The following SLC35D4 variants were observed in gnomAD, a reference collection of about 807,000 sequenced individuals.
SLC35D4 encodes UDP-N-acetylglucosamine transporter SLC35D4.
At chr18:23,298,866 C>G in the SLC35D4 span, among the ~76,000 whole-genome samples, 1 of 152,298 alleles carries the variant, frequency 6.6e-6, no homozygotes, top group South Asian at 2.1e-4. Flanking sequence ...CCCTTCCTCT[C>G]TCATCTGCCT....
chr18:23,356,938 G>T, the SLC35D4 span, among the ~76,000 whole-genome samples: 4 of 152,180 alleles, frequency 2.6e-5, no homozygotes, highest in Non-Finnish European at 4.4e-5. This position sits in a 1 kb window ranked among gnomAD's most constrained non-coding sequence, Gnocchi z 4.1. Flanking sequence ...TTCAATCTTA[G>T]TAACAACTCT....
At chr18:23,274,194 C>A in the SLC35D4 span, among the ~76,000 whole-genome samples, 109 of 152,324 alleles carry the variant, frequency 7.2e-4, no homozygotes, top group African/African-American at 2.5e-3. Context: ...CTTCAGCCTC[C>A]TGAAGTGCTG....
At chr18:23,297,771 G>C in the SLC35D4 span, 1 of 493,886 alleles carries the variant, frequency 2.0e-6, no homozygotes, top group East Asian at 3.8e-5. Flanking sequence ...CCGCTCCTCT[G>C]CAGTGACCTG....
the SLC35D4 span, chr18:23,253,691 T>C: frequency 1.3e-6 from 2 of 1,573,630 alleles, no homozygotes. Context: ...AACTCTAAGT[T>C]TTCACAAGAC....
chr18:23,374,571 C>T, the SLC35D4 span, among the ~76,000 whole-genome samples: 5 of 151,600 alleles, frequency 3.3e-5, no homozygotes, highest in Non-Finnish European at 5.9e-5. Flanking sequence ...CCATAACCTC[C>T]GCCTCCCGGG....
the SLC35D4 span, chr18:23,253,629 G>C: frequency 4.0e-6 from 4 of 993,462 alleles, no homozygotes; most frequent in South Asian, 6.2e-5. Flanking sequence ...CACCCTCTGG[G>C]AAAGAGAAAG....
the SLC35D4 span, among the ~76,000 whole-genome samples, chr18:23,400,577 A>C: frequency 6.6e-6 from 1 of 152,328 alleles, no homozygotes; most frequent in Admixed American, 6.5e-5. Flanking sequence ...CAGTGAGCCA[A>C]GATCACGCCA....
chr18:23,367,432 G>A, the SLC35D4 span, among the ~76,000 whole-genome samples: 2 of 152,288 alleles, frequency 1.3e-5, no homozygotes, highest in East Asian at 3.9e-4. Flanking sequence ...CCCCACAGTG[G>A]GCTTTAGCAG....
the SLC35D4 span, chr18:23,365,524 T>C: frequency 7.6e-7 from 1 of 1,307,578 alleles, no homozygotes; most frequent in Non-Finnish European, 1.1e-6. Flanking sequence ...CTCTCAGTCA[T>C]CCTGGGGGGC....
chr18:23,286,883 C>T, the SLC35D4 span, among the ~76,000 whole-genome samples: 108 of 150,290 alleles, frequency 7.2e-4, 1 homozygote, highest in Admixed American at 1.1e-3. Context: ...ATCTCATTGC[C>T]GCCCTTCTTC....
the SLC35D4 span, chr18:23,371,506 T>C: frequency 9.1e-5 from 141 of 1,545,998 alleles, no homozygotes; most frequent in Middle Eastern, 5.2e-4. Context: ...AAAATGGCTA[T>C]AAGTGCAAGG....
At chr18:23,430,513 A>G in the SLC35D4 span, 1 of 767,920 alleles carries the variant, frequency 1.3e-6, no homozygotes, top group Non-Finnish European at 2.1e-6. Flanking sequence ...GCGGCTAAAT[A>G]TCTTACAATA....
the SLC35D4 span, among the ~76,000 whole-genome samples, chr18:23,422,821 C>G: frequency 1.6e-4 from 25 of 152,126 alleles, no homozygotes; most frequent in African/African-American, 4.8e-4. Flanking sequence ...CCCTCCCCCC[C>G]CCAATGCAGA....
At chr18:23,360,391 A>G in the SLC35D4 span, among the ~76,000 whole-genome samples, 133 of 152,384 alleles carry the variant, frequency 8.7e-4, no homozygotes, top group South Asian at 2.3e-3. Flanking sequence ...GTGAGCATCA[A>G]CAGGTAAATG....
At chr18:23,360,930 C>T in the SLC35D4 span, among the ~76,000 whole-genome samples, 11 of 151,396 alleles carry the variant, frequency 7.3e-5, no homozygotes, top group East Asian at 1.9e-4. Flanking sequence ...GGTGGAACCC[C>T]GTCTCTACTA....
the SLC35D4 span, among the ~76,000 whole-genome samples, chr18:23,411,101 C>T: frequency 1.4e-4 from 21 of 148,458 alleles, no homozygotes; most frequent in East Asian, 6.0e-4. Flanking sequence ...CTGTGGTGTG[C>T]GGGCCTCTAG....
At chr18:23,408,421 T>C in the SLC35D4 span, among the ~76,000 whole-genome samples, 1 of 152,198 alleles carries the variant, frequency 6.6e-6, no homozygotes. Flanking sequence ...TATAACATTT[T>C]TTTTTGTCTT....
the SLC35D4 span, among the ~76,000 whole-genome samples, chr18:23,419,412 C>T: frequency 6.6e-6 from 1 of 152,056 alleles, no homozygotes; most frequent in African/African-American, 2.4e-5. Context: ...CCTGCCTCAG[C>T]CTTTCAAGTA....
At chr18:23,392,362 T>C in the SLC35D4 span, among the ~76,000 whole-genome samples, 1 of 152,248 alleles carries the variant, frequency 6.6e-6, no homozygotes, top group Non-Finnish European at 1.5e-5. Context: ...TATGCATATG[T>C]GCACATTTAA....
Sources: gnomAD v4.1 joint callset for allele counts (sites outside exome capture counted in the v4.1 genomes callset) on GRCh38, gnomAD v4.1.1 for gene constraint, Gnocchi (gnomAD v3.1) non-coding constraint, MANE v1.5 for transcripts, NCBI Gene and HGNC (gene_info 2026-07-23, HGNC 2026-07-21) for gene names.